Variants in TBC1D19 observed in about 807,000 individuals in gnomAD.
TBC1D19 encodes TBC1 domain family member 19, also known as TBC1 domain family, member 19.
TBC1D19 carries 60 observed loss-of-function variants against 89.0 expected under a neutral mutation model. The observed-to-expected ratio is 0.67, with a 90% CI of 0.55 to 0.84. The LOEUF is 0.84. Among genes scored for constraint, TBC1D19 ranks in the 40% least tolerant of loss-of-function variants. TBC1D19 has a pLI of 0.00. For missense variants in TBC1D19, 500 were observed against 610.8 expected (o/e 0.82, Z 1.91); for synonymous variants, 189 against 199.7 (o/e 0.95, Z 0.45).
chr4:26,813,721 C>T, the TBC1D19 span, among the ~76,000 whole-genome samples: 1 of 152,186 alleles, frequency 6.6e-6, no homozygotes, highest in South Asian at 2.1e-4. Flanking sequence ...AGCCAAAGTG[C>T]CAGCTCTTCC....
the TBC1D19 span, among the ~76,000 whole-genome samples, chr4:26,793,745 A>AG: frequency 6.8e-6 from 1 of 147,924 alleles, no homozygotes; most frequent in Non-Finnish European, 1.5e-5. Flanking sequence ...AAAAAAAAAA[A>AG]TAGAATCCAT....
At chr4:26,654,934 G>A (rs1467567582) in intron 7 of TBC1D19, among the ~76,000 whole-genome samples, 1 of 152,132 alleles carries the variant, frequency 6.6e-6, no homozygotes, top group East Asian at 1.9e-4. Context: ...CATTCCTTTG[G>A]AGGGGGAAAG....
chr4:26,829,335 C>T, the TBC1D19 span, among the ~76,000 whole-genome samples: 2,400 of 152,272 alleles, frequency 0.016, 33 homozygotes, highest in African/African-American at 0.036. Flanking sequence ...AAAGCAATCA[C>T]AAAAACACAT....
chr4:26,718,395 T>C (rs943456532), intron 14 of TBC1D19, among the ~76,000 whole-genome samples: 3 of 152,096 alleles, frequency 2.0e-5, no homozygotes, highest in Admixed American at 1.3e-4. Context: ...CACAAAACTT[T>C]GATACAATTT....
chr4:26,832,000 A>G, the TBC1D19 span, among the ~76,000 whole-genome samples: 1 of 152,168 alleles, frequency 6.6e-6, no homozygotes, highest in African/African-American at 2.4e-5. Flanking sequence ...TGCAAAAACA[A>G]AATACCTGAT....
chr4:26,804,332 G>C, the TBC1D19 span, among the ~76,000 whole-genome samples: 5 of 152,168 alleles, frequency 3.3e-5, no homozygotes, highest in Non-Finnish European at 7.3e-5. Flanking sequence ...TTTTAGTAGA[G>C]ACGGGGTTTC....
At chr4:26,657,371 T>G (rs1331388098) in intron 7 of TBC1D19, among the ~76,000 whole-genome samples, 1 of 152,080 alleles carries the variant, frequency 6.6e-6, no homozygotes, top group Non-Finnish European at 1.5e-5. Flanking sequence ...TTGCTGAGAG[T>G]GATGGTTTCC....
chr4:26,649,749 A>C (rs574044692), intron 7 of TBC1D19, among the ~76,000 whole-genome samples: 40 of 151,770 alleles, frequency 2.6e-4, no homozygotes, highest in African/African-American at 9.7e-4. Flanking sequence ...TTTAGGGTAC[A>C]TGTGCACAAC....
chr4:26,635,594 A>AT (rs1401038485), intron 4 of TBC1D19, among the ~76,000 whole-genome samples: 1 of 152,048 alleles, frequency 6.6e-6, no homozygotes, highest in African/African-American at 2.4e-5. Context: ...CTTCAGAAGA[A>AT]TTTTTTCTGT....
At chr4:26,817,385 T>C in the TBC1D19 span, among the ~76,000 whole-genome samples, 1 of 152,136 alleles carries the variant, frequency 6.6e-6, no homozygotes, top group Non-Finnish European at 1.5e-5. Flanking sequence ...CAACCCCCAC[T>C]AATAGGCATT....
intron 11 of TBC1D19, among the ~76,000 whole-genome samples, chr4:26,676,716 CAAAA>C (rs111713657): frequency 1.2e-5 from 1 of 85,864 alleles, no homozygotes; most frequent in Non-Finnish European, 2.5e-5. Context: ...AAGACTGTCT[CAAAA>C]AAAAAAAAAA....
chr4:26,712,809 G>A (rs1716292544), intron 13 of TBC1D19, among the ~76,000 whole-genome samples: 1 of 151,948 alleles, frequency 6.6e-6, no homozygotes, highest in South Asian at 2.1e-4. Context: ...TTTCATGGCA[G>A]CTAGTCCTGT....
chr4:26,855,514 C>A, the TBC1D19 span, among the ~76,000 whole-genome samples: 1 of 152,208 alleles, frequency 6.6e-6, no homozygotes, highest in Non-Finnish European at 1.5e-5. Context: ...CGGAGTTCCT[C>A]ACCTTACGAA....
At chr4:26,686,838 T>C (rs765771795) in intron 12 of TBC1D19, among the ~76,000 whole-genome samples, 1 of 152,158 alleles carries the variant, frequency 6.6e-6, no homozygotes, top group Non-Finnish European at 1.5e-5. Context: ...GAGTCATCTA[T>C]GACTCTTTCC....
intron 3 of TBC1D19, among the ~76,000 whole-genome samples, chr4:26,615,682 A>T (rs1741639185): frequency 1.3e-5 from 2 of 152,174 alleles, no homozygotes; most frequent in South Asian, 2.1e-4. Flanking sequence ...TGCTTTGCTC[A>T]AATCCATCTT....
chr4:26,852,820 C>T, the TBC1D19 span, among the ~76,000 whole-genome samples: 4 of 152,150 alleles, frequency 2.6e-5, no homozygotes, highest in Admixed American at 6.5e-5. Flanking sequence ...GGGGTTTCAC[C>T]GCGTTAGCCA....
chr4:26,652,673 C>T (rs1203569415), intron 7 of TBC1D19, among the ~76,000 whole-genome samples: 1 of 152,180 alleles, frequency 6.6e-6, no homozygotes, highest in African/African-American at 2.4e-5. Context: ...TTATAGTATT[C>T]TCTGATGGTA....
At chr4:26,629,634 C>T (rs894682408) in intron 4 of TBC1D19, among the ~76,000 whole-genome samples, 3 of 151,844 alleles carry the variant, frequency 2.0e-5, no homozygotes, top group African/African-American at 4.8e-5. Context: ...AACTTATGTT[C>T]GTAATAATAG....
intron 1 of TBC1D19, among the ~76,000 whole-genome samples, chr4:26,578,084 G>C (rs1028675829): frequency 9.2e-5 from 14 of 152,140 alleles, no homozygotes; most frequent in Admixed American, 9.2e-4. Context: ...CAGGGTCCAT[G>C]GTCTTGCTCT....
Sources: allele counts gnomAD v4.1 joint callset (sites outside exome capture counted in the v4.1 genomes callset), GRCh38; gene constraint gnomAD v4.1.1; transcripts MANE v1.5; gene names NCBI Gene and HGNC (gene_info 2026-07-23, HGNC 2026-07-21).